The following ZNF560 variants were observed in gnomAD, a reference collection of about 807,000 sequenced individuals.
ZNF560 encodes the protein zinc finger protein 560.
ZNF560 carries 54 observed loss-of-function variants against 81.8 expected under a neutral mutation model. That is an observed-to-expected ratio of 0.66 (90% CI 0.53 to 0.83). The LOEUF (loss-of-function observed/expected upper bound fraction) is 0.83. Among genes scored for constraint, ZNF560 ranks in the 40% least tolerant of loss-of-function variants. ZNF560 has a pLI of 0.00. For missense variants in ZNF560, 940 were observed against 932.4 expected (o/e 1.01, Z -0.11); for synonymous variants, 321 against 317.9 (o/e 1.01, Z -0.10).
chr19:9,487,248 G>A (rs948600886), intron 2 of ZNF560, among the ~76,000 whole-genome samples: 1 of 152,188 alleles, frequency 6.6e-6, no homozygotes, highest in Admixed American at 6.5e-5. Context: ...GCCTTGCTGA[G>A]AAAATTCTTT....
At position 9,468,176 on chromosome 19, in the gene ZNF560, TTTATTGTA is replaced by T; in HGVS notation, c.763_770del (p.Tyr255AsnfsTer12). ...CAGAAACTTTCCTTATGGTAGAGGT[TTTATTGTA>T]TAGAGAAAGGAGGTCTTTTGCATAC... On this transcript the variant is annotated frameshift_variant, in exon 10 of 10. Transcript: ENST00000301480. LOFTEE classifies it high-confidence loss of function. 1.2e-6 allele frequency: 2 copies of T among 1,614,156 alleles called. No individual in the cohort carries two copies. Among genetic ancestry groups the T allele is most frequent in the Non-Finnish European group, 1.7e-6 (2 of 1,180,010 alleles).
At chr19:9,468,730 T>C (rs567049352) in intron 9 of ZNF560, among the ~76,000 whole-genome samples, 46 of 150,240 alleles carry the variant, frequency 3.1e-4, no homozygotes, top group East Asian at 1.9e-3. Flanking sequence ...GATTTCTTTT[T>C]TTTTTTTTTT....
At chr19:9,473,845 G>C (rs1433726217) in intron 4 of ZNF560, among the ~76,000 whole-genome samples, 1 of 152,118 alleles carries the variant, frequency 6.6e-6, no homozygotes, top group Non-Finnish European at 1.5e-5. Context: ...GAAAAAAAGT[G>C]AAACAAAGAG....
At chr19:9,494,526 G>A (rs1360045531) in intron 2 of ZNF560, among the ~76,000 whole-genome samples, 1 of 152,194 alleles carries the variant, frequency 6.6e-6, no homozygotes, top group Non-Finnish European at 1.5e-5. Flanking sequence ...CCTGATGTGA[G>A]GAGTTCGAGA....
At chr19:9,478,881 C>T (rs573850435) in intron 2 of ZNF560, among the ~76,000 whole-genome samples, 11 of 151,952 alleles carry the variant, frequency 7.2e-5, no homozygotes, top group Non-Finnish European at 1.0e-4. Flanking sequence ...CAAAACTTAA[C>T]GAGCCAGGTG....
At chr19:9,481,046 T>G (rs2073280989) in intron 2 of ZNF560, among the ~76,000 whole-genome samples, 1 of 145,020 alleles carries the variant, frequency 6.9e-6, no homozygotes, top group Admixed American at 7.1e-5. Context: ...ATCATGCCAC[T>G]GCATTCCACC....
chr19:9,466,684 G>A lies in ZNF560; in HGVS notation c.2263C>T (p.Arg755Cys), dbSNP rs377042499. 4.5e-5 allele frequency: 72 copies of A among 1,613,920 alleles called. No homozygotes were observed. In the African/African-American group the frequency reaches 4.8e-4, roughly 11 times the overall value. The change falls in exon 10 of 10, where the codon CGT (arginine) becomes TGT (cysteine). Residue 755 changes from arginine to cysteine, a missense_variant. Transcript: ENST00000301480. Reference sequence around the variant, plus strand: ...ATATGAGTTCTTAAATGTTGAATACGTCCTGAGGATGTACGGAAGGCCTTC... The same window carrying A: ...ATATGAGTTCTTAAATGTTGAATACATCCTGAGGATGTACGGAAGGCCTTC... ...CGKAFRTSSG[R>C]IQHLRTHMGE...
the ZNF560 span, among the ~76,000 whole-genome samples, chr19:9,452,855 C>A: frequency 1.3e-5 from 2 of 152,160 alleles, no homozygotes. Context: ...CAGCAATACA[C>A]AATTTACCCA....
the ZNF560 span, among the ~76,000 whole-genome samples, chr19:9,451,501 A>C: frequency 6.6e-6 from 1 of 152,190 alleles, no homozygotes; most frequent in Non-Finnish European, 1.5e-5. Context: ...TAAAACCTAA[A>C]ACTGTAACAA....
chr19:9,455,440 C>T, the ZNF560 span, among the ~76,000 whole-genome samples: 80,112 of 151,946 alleles, frequency 0.53, 21,437 homozygotes, highest in Non-Finnish European at 0.55. Context: ...ATGTAACTAC[C>T]GACCAACTTT....
In ZNF560 at chr19:9,494,137, A is replaced by AC. The variant is rs1419627733; in HGVS notation, c.-57+3990_-57+3991insG. 1.9e-3 allele frequency among the ~76,000 whole-genome samples: 282 copies of AC among 151,764 alleles called. 6 individuals carry two copies. The highest frequency in any genetic ancestry group is 0.018 in the Admixed American group (266 of 15,200). ...AAGAGTGAGACTCCATCTCAAAAAA[A>AC]AAAAAAAAAAAAGAAATTAATATGG... On this transcript the variant is annotated intron_variant, in intron 2 of 9. Transcript: ENST00000301480.
chr19:9,460,103 G>A, the ZNF560 span, among the ~76,000 whole-genome samples: 1 of 152,192 alleles, frequency 6.6e-6, no homozygotes, highest in Admixed American at 6.5e-5. Context: ...AGAATCAACA[G>A]CCAATTTGGG....
the ZNF560 span, among the ~76,000 whole-genome samples, chr19:9,447,638 G>C: frequency 6.6e-6 from 1 of 151,910 alleles, no homozygotes; most frequent in African/African-American, 2.4e-5. Flanking sequence ...TTGAAGACTG[G>C]TCTTTCAACT....
At chr19:9,504,567 A>G in the ZNF560 span, among the ~76,000 whole-genome samples, 2 of 152,186 alleles carry the variant, frequency 1.3e-5, no homozygotes, top group African/African-American at 2.4e-5. Context: ...ACTGTTCTAC[A>G]TGTCTCTGAG....
At chr19:9,453,405 TAACAA>T in the ZNF560 span, among the ~76,000 whole-genome samples, 2 of 140,326 alleles carry the variant, frequency 1.4e-5, no homozygotes, top group Non-Finnish European at 3.1e-5. Flanking sequence ...TGAAAGGAAT[TAACAA>T]AACTAAGTAA....
At chr19:9,453,846 G>A in the ZNF560 span, among the ~76,000 whole-genome samples, 1 of 152,148 alleles carries the variant, frequency 6.6e-6, no homozygotes, top group African/African-American at 2.4e-5. Context: ...AAGGAAAGGA[G>A]AAAATACTCC....
rs751791145 is a variant in ZNF560 at position 9,475,332 on chromosome 19, CTT to C, written c.-21_-20del. 1 of 1,613,382 alleles carries C rather than the reference CTT, an allele frequency of 6.2e-7. No homozygotes were observed. Among genetic ancestry groups the C allele is most frequent in the Non-Finnish European group, 8.5e-7 (1 of 1,179,730 alleles). ...AAGCCATCTTCCTTTCTGCCTCTGTCTTTTCTTCATGAAGGCAGATTGGGTTC... is the reference window on the plus strand; with the variant it reads ...AAGCCATCTTCCTTTCTGCCTCTGTCTTCTTCATGAAGGCAGATTGGGTTC... On this transcript the variant is annotated 5_prime_UTR_variant, in exon 3 of 10. Coordinates refer to ENST00000301480, the MANE Select transcript of ZNF560 (RefSeq NM_152476.3).
chr19:9,470,542 T>C (rs2144690171), intron 6 of ZNF560, 24 bp from the exon 7 acceptor site: 2 of 1,614,162 alleles, frequency 1.2e-6, no homozygotes, highest in East Asian at 4.5e-5. Flanking sequence ...CACATGCTGA[T>C]TTGAGCCAAG....
intron 5 of ZNF560, 36 bp from the exon 6 acceptor site, chr19:9,471,414 TTTAA>T (rs1184588926): frequency 1.4e-6 from 2 of 1,404,640 alleles, no homozygotes; most frequent in Non-Finnish European, 1.9e-6. Context: ...TTTTTTTTTT[TTTAA>T]AAAAAAAGGT....
Sources: allele counts gnomAD v4.1 joint callset (sites outside exome capture counted in the v4.1 genomes callset), GRCh38; gene constraint gnomAD v4.1.1; transcripts MANE v1.5; gene names NCBI Gene and HGNC (gene_info 2026-07-23, HGNC 2026-07-21).